Variants in DPP10 observed in about 807,000 individuals in gnomAD.
DPP10 encodes inactive dipeptidyl peptidase 10.
A neutral mutation model predicts 120.9 loss-of-function variants in DPP10; 33 were observed. The observed-to-expected ratio is 0.27, with a 90% CI of 0.21 to 0.37. The LOEUF is 0.37. DPP10 is among the 10% of genes least tolerant of loss of function. The pLI is 1.00. For missense variants in DPP10, 816 were observed against 942.8 expected, an observed-to-expected ratio of 0.87 and a Z score of 1.76; for synonymous variants, 337 against 326.1, an observed-to-expected ratio of 1.03 and a Z score of -0.36.
chr2:115,807,296 C>G (rs1032370135), intron 19 of DPP10, among the ~76,000 whole-genome samples: 1 of 152,108 alleles, frequency 6.6e-6, no homozygotes, highest in Non-Finnish European at 1.5e-5. Context: ...AGGTCCTTTT[C>G]TATTGGTTGT....
At chr2:114,511,299 C>T (rs1021680288) in intron 1 of DPP10, among the ~76,000 whole-genome samples, 1 of 152,004 alleles carries the variant, frequency 6.6e-6, no homozygotes, top group African/African-American at 2.4e-5. Flanking sequence ...AATGTGACTC[C>T]AAGAAAGTAT....
At chr2:114,870,398 A>G (rs2106560155) in intron 1 of DPP10, among the ~76,000 whole-genome samples, 1 of 152,290 alleles carries the variant, frequency 6.6e-6, no homozygotes, top group Non-Finnish European at 1.5e-5. Flanking sequence ...CAGAACATAC[A>G]ACAGTGATTG....
chr2:115,735,712 T>C lies in DPP10; in HGVS notation c.698-4027T>C, dbSNP rs564700218. Among the ~76,000 whole-genome samples the C allele has an allele frequency of 1.1e-3, 133 of 117,496 alleles. 1 individual carries two copies. The East Asian group carries it at 0.024, about 21-fold the overall frequency. The allele number at this position is 117,496 out of a possible 152,430, so 77.1% of individuals were successfully genotyped here. A position where few individuals can be genotyped will look rare whatever the true frequency, so the allele number is the denominator to read the frequency against. ...TTTTTTTTTTTTTTTTTTTTTTTTT[T>C]AGTAGAGATGCGGTTTCGCTATGTT... On this transcript the variant is annotated intron_variant, in intron 8 of 25. Coordinates refer to ENST00000410059, the MANE Select transcript of DPP10 (RefSeq NM_020868.6).
chr2:115,838,837 C>A (rs759239743), intron 24 of DPP10, among the ~76,000 whole-genome samples: 23 of 152,226 alleles, frequency 1.5e-4, no homozygotes, highest in Admixed American at 4.6e-4. Flanking sequence ...TACCACACAA[C>A]CCATACGGGC....
At chr2:115,162,343 A>G in intron 1 of DPP10, 5 of 1,437,066 alleles carry the variant, frequency 3.5e-6, no homozygotes, top group Non-Finnish European at 4.6e-6. Context: ...GGCCGGGACC[A>G]AGGAATGGGG....
intron 11 of DPP10, among the ~76,000 whole-genome samples, chr2:115,756,000 A>G (rs1191434681): frequency 1.3e-5 from 2 of 152,088 alleles, no homozygotes; most frequent in Non-Finnish European, 2.9e-5. Context: ...CTATTCAGCC[A>G]TAAAAAAGAA....
rs907355473 is a variant in DPP10 at position 115,200,366 on chromosome 2, G to T, written c.61-108873G>T. On this transcript the variant is annotated intron_variant, in intron 1 of 25. Transcript: ENST00000410059. The stretch of plus-strand genomic sequence containing the variant: ...GAGATAGGTGTACAAGGAACTCTGT[G>T]GTGAGATTAAACATTCAGCTAATTT... Among the ~76,000 whole-genome samples the T allele has an allele frequency of 2.4e-4, 37 of 152,068 alleles. 1 individual carries two copies. Among genetic ancestry groups the T allele is most frequent in the Admixed American group, 2.0e-3 (31 of 15,262 alleles).
At position 114,446,309 on chromosome 2, in the gene DPP10, C is replaced by A. The variant is rs541533332; in HGVS notation, c.60+3471C>A. Among the ~76,000 whole-genome samples the A allele has an allele frequency of 2.6e-5, 4 of 152,226 alleles. No homozygotes were observed. In the South Asian group the frequency reaches 8.3e-4, roughly 32 times the overall value. ...AAATGTGCAGATTTTTTTCTTATTTCTTTCACATTTGAATATCAGTCTAGT... is the reference window on the plus strand; with the variant it reads ...AAATGTGCAGATTTTTTTCTTATTTATTTCACATTTGAATATCAGTCTAGT... On this transcript the variant is annotated intron_variant, in intron 1 of 25. Transcript: ENST00000410059.
At chr2:114,471,360 C>T (rs192494928) in intron 1 of DPP10, among the ~76,000 whole-genome samples, 1 of 152,178 alleles carries the variant, frequency 6.6e-6, no homozygotes, top group Non-Finnish European at 1.5e-5. Flanking sequence ...TAAAAGGTGT[C>T]AAAGGATTAG....
intron 7 of DPP10, among the ~76,000 whole-genome samples, chr2:115,727,393 A>G (rs1469013392): frequency 1.3e-5 from 2 of 152,122 alleles, no homozygotes; most frequent in Non-Finnish European, 2.9e-5. Flanking sequence ...CACCAAATGC[A>G]TTTTTGTAAA....
intron 1 of DPP10, among the ~76,000 whole-genome samples, chr2:115,126,500 TA>T (rs2050091187): frequency 6.6e-6 from 1 of 152,174 alleles, no homozygotes; most frequent in Non-Finnish European, 1.5e-5. Context: ...GATATTTATT[TA>T]AAAGTGATAT....
chr2:115,620,314 A>T (rs1409527972), intron 5 of DPP10, among the ~76,000 whole-genome samples: 1 of 152,204 alleles, frequency 6.6e-6, no homozygotes, highest in East Asian at 1.9e-4. Flanking sequence ...TGTTAGTTTC[A>T]AGAGATAAGA....
At chr2:115,728,252 A>T (rs1485460306) in intron 8 of DPP10, among the ~76,000 whole-genome samples, 1 of 150,370 alleles carries the variant, frequency 6.7e-6, no homozygotes, top group African/African-American at 2.4e-5. Flanking sequence ...ATTTTTTCTG[A>T]CTCTCTGGGA....
chr2:114,486,044 G>A (rs2104703983), intron 1 of DPP10, among the ~76,000 whole-genome samples: 1 of 152,242 alleles, frequency 6.6e-6, no homozygotes. Context: ...AGATTCGTTA[G>A]TGCCACATTC....
intron 3 of DPP10, among the ~76,000 whole-genome samples, chr2:115,367,901 T>C (rs905371117): frequency 3.3e-5 from 5 of 152,104 alleles, no homozygotes; most frequent in African/African-American, 1.2e-4. Context: ...GGTTTTAGAT[T>C]GGAATCTAAA....
At chr2:115,547,851 A>G (rs2079609914) in intron 5 of DPP10, among the ~76,000 whole-genome samples, 1 of 151,950 alleles carries the variant, frequency 6.6e-6, no homozygotes, top group Admixed American at 6.6e-5. Context: ...TACATGTAAG[A>G]TGAGCACTTA....
intron 1 of DPP10, chr2:115,162,398 T>C (rs1477277509): frequency 8.6e-6 from 11 of 1,284,130 alleles, no homozygotes; most frequent in Non-Finnish European, 1.1e-5. Flanking sequence ...TCTGCTGCGC[T>C]CCTGACGGCC....
intron 1 of DPP10, among the ~76,000 whole-genome samples, chr2:114,543,415 A>G (rs944194960): frequency 7.9e-5 from 12 of 152,226 alleles, no homozygotes; most frequent in Admixed American, 2.0e-4. Context: ...AGCAAGAGGG[A>G]AGAAGTAATT....
At chr2:115,462,243 A>T (rs1342407443) in intron 3 of DPP10, among the ~76,000 whole-genome samples, 1 of 152,076 alleles carries the variant, frequency 6.6e-6, no homozygotes, top group Non-Finnish European at 1.5e-5. Context: ...TATGAACTGT[A>T]TTCCAGTCCC....
Sources: allele counts gnomAD v4.1 joint callset (sites outside exome capture counted in the v4.1 genomes callset), GRCh38; gene constraint gnomAD v4.1.1; transcripts MANE v1.5; gene names NCBI Gene and HGNC (gene_info 2026-07-23, HGNC 2026-07-21).